Variants in TMEM106B observed in about 807,000 individuals in gnomAD.
TMEM106B encodes the protein transmembrane protein 106B.
A neutral mutation model predicts 31.1 loss-of-function variants in TMEM106B; 15 were observed. That is an observed-to-expected ratio of 0.48 (90% confidence interval 0.32 to 0.74). TMEM106B has a LOEUF of 0.74. Ranked by LOEUF, TMEM106B falls within the 30% of genes least tolerant of loss-of-function variation. TMEM106B has a pLI of 0.03. For synonymous variants in TMEM106B, 126 were observed against 112.5 expected (o/e 1.12, Z -0.76); for missense variants, 283 against 327.3 (o/e 0.86, Z 1.04).
chr7:12,215,324 C>G (rs1245613067), intron 2 of TMEM106B, among the ~76,000 whole-genome samples: 3 of 151,870 alleles, frequency 2.0e-5, no homozygotes, highest in South Asian at 2.1e-4. Context: ...TATTTGGCAT[C>G]TGTAGAGATG....
In TMEM106B at chr7:12,239,486, C is replaced by G. The variant is rs1782202650; in HGVS notation, c.*7511C>G. On this transcript the variant is annotated 3_prime_UTR_variant, in exon 8 of 8. Transcript: ENST00000396668. ...TTTCCTTCAAGAACTTTTCCTTTGCCTTCACAACTTGTGCAAGAGACCTAG... is the reference window on the plus strand; with the variant it reads ...TTTCCTTCAAGAACTTTTCCTTTGCGTTCACAACTTGTGCAAGAGACCTAG... 2 of 152,114 alleles carry G rather than the reference C, an allele frequency of 1.3e-5. No individual in the cohort carries two copies. Among genetic ancestry groups the G allele is most frequent in the South Asian group, 4.1e-4 (2 of 4,828 alleles). 9.4% of individuals were successfully genotyped at this position (152,114 alleles called of 1,614,324 possible).
chr7:12,219,046 G>A (rs576002196), intron 3 of TMEM106B, among the ~76,000 whole-genome samples: 3 of 152,256 alleles, frequency 2.0e-5, no homozygotes, highest in Non-Finnish European at 4.4e-5. Flanking sequence ...CTCTAGCTTG[G>A]AGAAAGTGCA....
Position 12,229,721 on chromosome 7 carries a change from G to C in TMEM106B, c.484G>C (p.Val162Leu). The C allele has an allele frequency of 6.2e-7, 1 of 1,612,774 alleles. No homozygotes were observed. Among genetic ancestry groups the C allele is most frequent in the Non-Finnish European group, 8.5e-7 (1 of 1,179,548 alleles). ...AAACAATAACTATTACTCTGTCGAAGTTGAAAACATCACTGCCCAAGTTCA... is the reference window on the plus strand; with the variant it reads ...AAACAATAACTATTACTCTGTCGAACTTGAAAACATCACTGCCCAAGTTCA... The part of the protein sequence containing the change: ...ITNNNYYSVE[V>L]ENITAQVQFS... The change falls in exon 5 of 8, where the codon GTT (valine) becomes CTT (leucine). Residue 162 changes from valine to leucine, a missense_variant. Coordinates refer to ENST00000396668, the MANE Select transcript of TMEM106B (RefSeq NM_001134232.2).
In TMEM106B at chr7:12,237,811, A is replaced by C. The variant is rs1195713921; in HGVS notation, c.*5836A>C. 2.7e-4 allele frequency: 12 copies of C among 44,894 alleles called. No homozygotes were observed. The highest frequency in any genetic ancestry group is 1.4e-3 in the African/African-American group (12 of 8,386). The allele number at this position is 44,894 out of a possible 1,614,324, so 2.8% of individuals were successfully genotyped here. Reference sequence around the variant, plus strand: ...CATGGCGAGACCCCATATAAAATATATACATACACACACACACACACACAC... The same window carrying C: ...CATGGCGAGACCCCATATAAAATATCTACATACACACACACACACACACAC... On this transcript the variant is annotated 3_prime_UTR_variant, in exon 8 of 8. Transcript: ENST00000396668.
chr7:12,219,165 A>T (rs191002361), intron 3 of TMEM106B, among the ~76,000 whole-genome samples: 1 of 152,190 alleles, frequency 6.6e-6, no homozygotes, highest in Admixed American at 6.5e-5. Flanking sequence ...TTGCAAAAGG[A>T]TACAAATACA....
At position 12,234,043 on chromosome 7, in the gene TMEM106B, A is replaced by G. The variant is rs1221434956; in HGVS notation, c.*2068A>G. On this transcript the variant is annotated 3_prime_UTR_variant, in exon 8 of 8. Transcript: ENST00000396668. The stretch of plus-strand genomic sequence containing the variant: ...ATCATATCCTTTCTATTATGTTCCC[A>G]TCCTGTCCTCATGTCCCATTTACTT... 1.3e-5 allele frequency: 2 copies of G among 151,816 alleles called. No homozygotes were observed. Among genetic ancestry groups the G allele is most frequent in the Non-Finnish European group, 3.0e-5 (2 of 67,728 alleles). The allele number at this position is 151,816 out of a possible 1,614,324, so 9.4% of individuals were successfully genotyped here. A position where few individuals can be genotyped will look rare whatever the true frequency, so the allele number is the denominator to read the frequency against.
At chr7:12,229,012 C>A (rs558159539) in intron 4 of TMEM106B, among the ~76,000 whole-genome samples, 1 of 151,630 alleles carries the variant, frequency 6.6e-6, no homozygotes, top group Non-Finnish European at 1.5e-5. Context: ...AGATTATAAC[C>A]GATGCTTACA....
chr7:12,241,840 A>G lies in TMEM106B; in HGVS notation c.*9865A>G, dbSNP rs531335167. 3 of 152,136 alleles carry G rather than the reference A, an allele frequency of 2.0e-5. No individual in the cohort carries two copies. The highest frequency in any genetic ancestry group is 2.9e-5 in the Non-Finnish European group (2 of 68,024). 9.4% of individuals were successfully genotyped at this position (152,136 alleles called of 1,614,324 possible). A position where few individuals can be genotyped will look rare whatever the true frequency, so the allele number is the denominator to read the frequency against. On this transcript the variant is annotated 3_prime_UTR_variant, in exon 8 of 8. Transcript: ENST00000396668. ...AGGAATCACCACACTGTCTTCCACA[A>G]TGGTTGCAATTTACACTCCCACCAA...
At chr7:12,226,944 T>C (rs1195890856) in intron 4 of TMEM106B, among the ~76,000 whole-genome samples, 1 of 152,132 alleles carries the variant, frequency 6.6e-6, no homozygotes, top group African/African-American at 2.4e-5. Flanking sequence ...GGCCAGACTT[T>C]TTTTGGCCTA....
chr7:12,225,281 G>A (rs1040432134), intron 4 of TMEM106B, among the ~76,000 whole-genome samples: 3 of 152,090 alleles, frequency 2.0e-5, no homozygotes, highest in Non-Finnish European at 2.9e-5. Context: ...TGGACATTTC[G>A]GTTGTTTCCA....
intron 3 of TMEM106B, among the ~76,000 whole-genome samples, chr7:12,221,087 AGTGTGTGT>A (rs71027479): frequency 6.7e-6 from 1 of 149,952 alleles, no homozygotes; most frequent in African/African-American, 2.5e-5. Context: ...AAGCAAGTAA[AGTGTGTGT>A]GTGTGTGTGT....
In TMEM106B at chr7:12,232,181, GA is replaced by G. The variant is rs1262031852; in HGVS notation, c.*208del. The G allele has an allele frequency of 2.6e-6, 1 of 382,300 alleles. No individual in the cohort carries two copies. Among genetic ancestry groups the G allele is most frequent in the Non-Finnish European group, 4.6e-6 (1 of 216,168 alleles). 23.7% of individuals were successfully genotyped at this position (382,300 alleles called of 1,614,324 possible). A position where few individuals can be genotyped will look rare whatever the true frequency, so the allele number is the denominator to read the frequency against. On this transcript the variant is annotated 3_prime_UTR_variant, in exon 8 of 8. Transcript: ENST00000396668. ...ATATTTGTACTAGGATCTTTTACTT[GA>G]ATCTAAATTTACTGGTTGATTTCCT...
chr7:12,228,539 C>T (rs937145002), intron 4 of TMEM106B, among the ~76,000 whole-genome samples: 1 of 151,652 alleles, frequency 6.6e-6, no homozygotes, highest in Non-Finnish European at 1.5e-5. Context: ...GAATAGAATT[C>T]ATTTTATTGT....
In TMEM106B at chr7:12,237,810, T is replaced by TACAC. The variant is rs1441274612; in HGVS notation, c.*5836_*5837insCACA. The TACAC allele has an allele frequency of 0.049, 5,810 of 117,746 alleles. 161 individuals are homozygous for TACAC. Among genetic ancestry groups the TACAC allele is most frequent in the South Asian group, 0.085 (324 of 3,806 alleles). The allele number at this position is 117,746 out of a possible 1,614,324, so 7.3% of individuals were successfully genotyped here. A position where few individuals can be genotyped will look rare whatever the true frequency, so the allele number is the denominator to read the frequency against. ...ACATGGCGAGACCCCATATAAAATA[T>TACAC]ATACATACACACACACACACACACA... On this transcript the variant is annotated 3_prime_UTR_variant, in exon 8 of 8. Coordinates refer to ENST00000396668, the MANE Select transcript of TMEM106B (RefSeq NM_001134232.2).
intron 3 of TMEM106B, among the ~76,000 whole-genome samples, chr7:12,220,930 T>C (rs1781773147): frequency 6.6e-6 from 1 of 152,186 alleles, no homozygotes; most frequent in Non-Finnish European, 1.5e-5. Flanking sequence ...CACAGTGTGA[T>C]ATTGACAATA....
At chr7:12,227,162 T>G (rs972494270) in intron 4 of TMEM106B, among the ~76,000 whole-genome samples, 7 of 152,072 alleles carry the variant, frequency 4.6e-5, no homozygotes, top group African/African-American at 1.7e-4. Flanking sequence ...AATAAGATTA[T>G]TTGGATGAAC....
chr7:12,215,374 G>A, intron 2 of TMEM106B, among the ~76,000 whole-genome samples: 1 of 151,354 alleles, frequency 6.6e-6, no homozygotes, highest in Non-Finnish European at 1.5e-5. Context: ...TCAGATGTTA[G>A]AAGCAATTTA....
intron 1 of TMEM106B, among the ~76,000 whole-genome samples, chr7:12,213,501 T>C (rs1168211165): frequency 6.6e-6 from 1 of 152,214 alleles, no homozygotes; most frequent in Non-Finnish European, 1.5e-5. Context: ...CAAAGCAATT[T>C]TTGCCTTTAG....
At chr7:12,231,576 CTT>C in intron 7 of TMEM106B, 1 of 313,346 alleles carries the variant, frequency 3.2e-6, no homozygotes, top group Non-Finnish European at 5.8e-6. Context: ...ATATAATGAA[CTT>C]TTATATTTTT....
Sources: allele counts gnomAD v4.1 joint callset (sites outside exome capture counted in the v4.1 genomes callset), GRCh38; gene constraint gnomAD v4.1.1; transcripts MANE v1.5; gene names NCBI Gene and HGNC (gene_info 2026-07-23, HGNC 2026-07-21).